JAK2: variants seen among roughly 807,000 people sequenced by gnomAD.
The protein encoded by JAK2 is Janus kinase 2.
In JAK2, 86 loss-of-function variants were observed where a neutral mutation model predicts 139.3. The observed-to-expected ratio is 0.62, with a 90% CI of 0.52 to 0.74. JAK2 has a LOEUF of 0.74. Ranked by LOEUF, JAK2 falls within the 30% of genes least tolerant of loss-of-function variation. JAK2 has a pLI of 0.00. For missense variants in JAK2, 1,421 were observed against 1,360.3 expected (o/e 1.04, Z -0.70); for synonymous variants, 490 against 437.7 (o/e 1.12, Z -1.49).
At chr9:5,062,044 T>C (rs1266442538) in intron 8 of JAK2, among the ~76,000 whole-genome samples, 1 of 152,154 alleles carries the variant, frequency 6.6e-6, no homozygotes, top group Non-Finnish European at 1.5e-5. Flanking sequence ...CACCATCTTA[T>C]ATAGGCCCAG....
At chr9:5,058,041 T>G (rs1323903466) in intron 8 of JAK2, among the ~76,000 whole-genome samples, 1 of 152,182 alleles carries the variant, frequency 6.6e-6, no homozygotes, top group South Asian at 2.1e-4. Flanking sequence ...TTTTAATATA[T>G]GTATGTATTC....
intron 22 of JAK2, among the ~76,000 whole-genome samples, chr9:5,104,247 A>T (rs181884085): frequency 1.6e-4 from 25 of 152,368 alleles, no homozygotes; most frequent in Middle Eastern, 3.4e-3. Context: ...CACCGATCCC[A>T]CAGAAATACA....
chr9:5,011,677 T>G (rs1049235208), intron 2 of JAK2, among the ~76,000 whole-genome samples: 1 of 152,220 alleles, frequency 6.6e-6, no homozygotes, highest in Admixed American at 6.5e-5. Flanking sequence ...TTAATAAGTT[T>G]CAGCTGACTA....
chr9:5,112,770 T>G, intron 22 of JAK2: 1 of 604,156 alleles, frequency 1.7e-6, no homozygotes, highest in Non-Finnish European at 2.6e-6. Flanking sequence ...GTGTCGCGCG[T>G]GTTCGGAGGC....
At chr9:5,020,180 T>A (rs1462769407) in intron 2 of JAK2, among the ~76,000 whole-genome samples, 1 of 152,080 alleles carries the variant, frequency 6.6e-6, no homozygotes, top group African/African-American at 2.4e-5. Context: ...GTGACGGCGA[T>A]TGGCTGGGTA....
At chr9:4,987,002 C>T (rs1280930141) in intron 2 of JAK2, among the ~76,000 whole-genome samples, 1 of 152,132 alleles carries the variant, frequency 6.6e-6, no homozygotes, top group Non-Finnish European at 1.5e-5. Flanking sequence ...AATTTTTGGC[C>T]TCCCTTCCCC....
intron 2 of JAK2, among the ~76,000 whole-genome samples, chr9:4,999,092 TG>T (rs932071308): frequency 6.6e-6 from 1 of 152,184 alleles, no homozygotes; most frequent in African/African-American, 2.4e-5. Context: ...CCCAAAGTGC[TG>T]GGATTACAGG....
chr9:5,027,985 G>C (rs1822887464), intron 3 of JAK2, among the ~76,000 whole-genome samples: 2 of 152,106 alleles, frequency 1.3e-5, no homozygotes, highest in African/African-American at 2.4e-5. Flanking sequence ...CCAAACTCCT[G>C]TTAATGTTGA....
intron 22 of JAK2, chr9:5,099,246 T>C (rs568373785): frequency 4.6e-5 from 7 of 152,312 alleles, no homozygotes; most frequent in African/African-American, 1.7e-4. Flanking sequence ...GCTCAGAAAT[T>C]TGTGAATCTA....
chr9:4,993,451 C>G (rs778651372), intron 2 of JAK2, among the ~76,000 whole-genome samples: 2 of 152,208 alleles, frequency 1.3e-5, no homozygotes, highest in Non-Finnish European at 2.9e-5. Context: ...TCTGTTCTCT[C>G]AATTATAAGG....
chr9:5,115,281 A>AT (rs1202192090), intron 22 of JAK2, among the ~76,000 whole-genome samples: 2 of 152,234 alleles, frequency 1.3e-5, no homozygotes, highest in African/African-American at 4.8e-5. Context: ...AAAAGAAGAC[A>AT]TTTATGTGGC....
Position 5,089,783 on chromosome 9 carries a change from A to G in JAK2, c.2681A>G (p.Asp894Gly), listed in dbSNP as rs757780497. 55 of 1,600,082 alleles carry G rather than the reference A, an allele frequency of 3.4e-5. No individual in the cohort carries two copies. In the Middle Eastern group the frequency reaches 1.7e-3, roughly 48 times the overall value. ...LQHSTEEHLR[D>G]FEREIEILKS... ...CATAGTACTGAAGAGCACCTAAGAG[A>G]CTTTGAAAGGGAAATTGAAATCCTG... Residue 894 changes from aspartate (D) to glycine (G), a missense_variant, in exon 20 of 25, where the codon GAC becomes GGC. Asp to Gly is a moderately conservative substitution (Grantham distance 94). Coordinates refer to ENST00000381652, the MANE Select transcript of JAK2 (RefSeq NM_004972.4).
chr9:5,003,723 A>G (rs1039013378), intron 2 of JAK2, among the ~76,000 whole-genome samples: 1 of 152,084 alleles, frequency 6.6e-6, no homozygotes, highest in Non-Finnish European at 1.5e-5. Context: ...TGCACTAGCC[A>G]CAATGTCCAC....
rs1156682041 is a variant in JAK2, at chr9:5,054,497, A to G, written c.615-66A>G. 5.9e-6 allele frequency: 8 copies of G among 1,366,268 alleles called. No individual in the cohort carries two copies. Among genetic ancestry groups the G allele is most frequent in the East Asian group, 2.3e-5 (1 of 43,356 alleles). The allele number at this position is 1,366,268 out of a possible 1,614,324, so 84.6% of individuals were successfully genotyped here. On this transcript the variant is annotated intron_variant, in intron 6 of 24. Transcript: ENST00000381652. This position sits in a 1 kb window ranked among gnomAD's most constrained non-coding sequence, Gnocchi z 4.9. Reference sequence around the variant, plus strand: ...GAAAAAGGTGGTAACTTCTTTTTCAATTTTTAGATTTATCTTCCAATTTTT... The same window carrying G: ...GAAAAAGGTGGTAACTTCTTTTTCAGTTTTTAGATTTATCTTCCAATTTTT...
In JAK2 at chr9:5,127,736, ATAGAT is replaced by A. The variant is rs1242843196; in HGVS notation, c.*952_*956del. 3 of 232,492 alleles carry A rather than the reference ATAGAT, an allele frequency of 1.3e-5. No individual in the cohort carries two copies. Among genetic ancestry groups the A allele is most frequent in the Non-Finnish European group, 1.7e-5 (2 of 117,250 alleles). The allele number at this position is 232,492 out of a possible 1,614,324, so 14.4% of individuals were successfully genotyped here. A position where few individuals can be genotyped will look rare whatever the true frequency, so the allele number is the denominator to read the frequency against. ...ACTAAATTTAAGCTTAAGCCATAAA[ATAGAT>A]TAGATTGTTTTTTAAAAATGGATAG... On this transcript the variant is annotated 3_prime_UTR_variant, in exon 25 of 25. Coordinates refer to ENST00000381652, the MANE Select transcript of JAK2 (RefSeq NM_004972.4).
intron 3 of JAK2, among the ~76,000 whole-genome samples, chr9:5,022,620 T>C (rs191059412): frequency 1.5e-3 from 236 of 152,362 alleles, no homozygotes; most frequent in Admixed American, 3.6e-3. Context: ...CATTTTCTTC[T>C]AGTTAGCTTC....
In JAK2 at chr9:5,072,465, C is replaced by G. The variant is rs200975754; in HGVS notation, c.1642-27C>G. The G allele has an allele frequency of 2.5e-5, 38 of 1,490,730 alleles. No homozygotes were observed. In the Admixed American group the frequency reaches 4.4e-4, roughly 17 times the overall value. The allele number at this position is 1,490,730 out of a possible 1,614,324, so 92.3% of individuals were successfully genotyped here. ...ACTTCGTTCTCCATCTTTACTCATT[C>G]TTTTCTTTTACCTTTTTCTCTTGAA... On this transcript the variant is annotated intron_variant, in intron 12 of 24. Coordinates refer to ENST00000381652, the MANE Select transcript of JAK2 (RefSeq NM_004972.4).
rs550868915 is a variant in JAK2, at chr9:5,082,508, G to A, written c.2571+647G>A. Among the ~76,000 whole-genome samples the A allele has an allele frequency of 1.2e-4, 19 of 152,276 alleles. No individual in the cohort carries two copies. The South Asian group carries it at 2.5e-3, about 20-fold the overall frequency. ...CAAATGTATAATTGGGTTTTATACC[G>A]AGGCATTCAGTTCCCAGGGGCAGGC... On this transcript the variant is annotated intron_variant, in intron 19 of 24. Transcript: ENST00000381652.
intron 2 of JAK2, among the ~76,000 whole-genome samples, chr9:5,012,743 T>A (rs558078531): frequency 1.3e-5 from 2 of 152,222 alleles, no homozygotes; most frequent in Non-Finnish European, 2.9e-5. Context: ...TTATAAGGTA[T>A]TGAAGCCTAT....
Sources: allele counts gnomAD v4.1 joint callset (sites outside exome capture counted in the v4.1 genomes callset), GRCh38; gene constraint gnomAD v4.1.1; non-coding constraint Gnocchi (gnomAD v3.1); transcripts MANE v1.5; gene names NCBI Gene and HGNC (gene_info 2026-07-23, HGNC 2026-07-21).